KCNT2: variants seen among roughly 807,000 people sequenced by gnomAD.
The protein encoded by KCNT2 is potassium channel subfamily T member 2.
KCNT2 carries 67 observed loss-of-function variants against 153.8 expected under a neutral mutation model. The observed-to-expected ratio is 0.44, with a 90% confidence interval of 0.36 to 0.53. The LOEUF (loss-of-function observed/expected upper bound fraction) is 0.53. Among genes scored for constraint, KCNT2 ranks in the 20% least tolerant of loss-of-function variants. The probability of loss-of-function intolerance (pLI) is 0.00; values close to 1 mark genes in which losing one functional copy is unlikely to be tolerated. For missense variants in KCNT2, 975 were observed against 1,354.8 expected (o/e 0.72, Z 4.40); for synonymous variants, 500 against 458.8 (o/e 1.09, Z -1.15).
chr1:196,253,797 C>G (rs1385806900), intron 26 of KCNT2, among the ~76,000 whole-genome samples: 1 of 151,464 alleles, frequency 6.6e-6, no homozygotes, highest in Non-Finnish European at 1.5e-5. Context: ...CCACTCAACC[C>G]ATAATAAACT....
intron 12 of KCNT2, among the ~76,000 whole-genome samples, chr1:196,401,735 A>G (rs891052699): frequency 4.0e-5 from 6 of 151,726 alleles, no homozygotes; most frequent in African/African-American, 1.4e-4. Flanking sequence ...TGAATTCCCA[A>G]AAAGAAAACA....
intron 26 of KCNT2, among the ~76,000 whole-genome samples, chr1:196,251,171 G>A (rs1054401372): frequency 1.4e-4 from 21 of 152,076 alleles, no homozygotes; most frequent in African/African-American, 5.1e-4. Context: ...TATTGCAGCT[G>A]TATTCACAAT....
At chr1:196,380,827 T>C (rs957074871) in intron 13 of KCNT2, among the ~76,000 whole-genome samples, 2 of 152,230 alleles carry the variant, frequency 1.3e-5, no homozygotes, top group Admixed American at 1.3e-4. Context: ...TGAGAATAGA[T>C]AATGTCTTGC....
chr1:196,476,597 T>C (rs1424731043), intron 5 of KCNT2, among the ~76,000 whole-genome samples: 1 of 152,162 alleles, frequency 6.6e-6, no homozygotes, highest in Non-Finnish European at 1.5e-5. Flanking sequence ...TTCTCTTCTC[T>C]AGCTCTAATT....
At chr1:196,386,477 G>A (rs1669998040) in intron 13 of KCNT2, among the ~76,000 whole-genome samples, 1 of 152,056 alleles carries the variant, frequency 6.6e-6, no homozygotes, top group Non-Finnish European at 1.5e-5. Context: ...TACATGTGTT[G>A]ACTACCACTA....
At chr1:196,578,332 A>G (rs1334668632) in intron 1 of KCNT2, among the ~76,000 whole-genome samples, 1 of 152,160 alleles carries the variant, frequency 6.6e-6, no homozygotes, top group Non-Finnish European at 1.5e-5. Context: ...CAGTACCTGG[A>G]AAGACAAGTC....
intron 16 of KCNT2, among the ~76,000 whole-genome samples, chr1:196,336,038 C>T (rs1572081578): frequency 6.6e-6 from 1 of 152,120 alleles, no homozygotes; most frequent in South Asian, 2.1e-4. Context: ...TAGAACCCTG[C>T]TTAAGTTAAA....
intron 1 of KCNT2, among the ~76,000 whole-genome samples, chr1:196,584,476 A>C (rs1662435838): frequency 6.6e-6 from 1 of 152,064 alleles, no homozygotes. Flanking sequence ...CCTTGAAAAA[A>C]CTGAAGGTGC....
chr1:196,256,548 T>C (rs556149644), intron 26 of KCNT2, among the ~76,000 whole-genome samples: 2 of 149,756 alleles, frequency 1.3e-5, no homozygotes, highest in Non-Finnish European at 3.0e-5. Flanking sequence ...ATTTAGTGAC[T>C]TAAATTTTTA....
At chr1:196,370,146 G>A (rs989812534) in intron 14 of KCNT2, among the ~76,000 whole-genome samples, 1 of 152,136 alleles carries the variant, frequency 6.6e-6, no homozygotes, top group Non-Finnish European at 1.5e-5. Context: ...TTCAACCATT[G>A]TGGAAGAATA....
At chr1:196,243,343 A>T (rs191284726) in intron 26 of KCNT2, among the ~76,000 whole-genome samples, 1 of 152,308 alleles carries the variant, frequency 6.6e-6, no homozygotes, top group Admixed American at 6.5e-5. Flanking sequence ...CAAATTGAAC[A>T]ACTATCCACA....
At chr1:196,491,328 A>T (rs536792356) in intron 2 of KCNT2, among the ~76,000 whole-genome samples, 171 of 152,158 alleles carry the variant, frequency 1.1e-3, no homozygotes, top group African/African-American at 3.9e-3. Context: ...TGTCATTAAG[A>T]CTATCTGAGC....
chr1:196,480,428 G>A (rs1678908229), intron 4 of KCNT2, among the ~76,000 whole-genome samples: 3 of 152,226 alleles, frequency 2.0e-5, no homozygotes, highest in Admixed American at 6.5e-5. Context: ...GCATTATTAT[G>A]ATAGAAAACG....
intron 1 of KCNT2, among the ~76,000 whole-genome samples, chr1:196,583,525 A>AG (rs1294958975): frequency 2.6e-5 from 4 of 152,100 alleles, no homozygotes; most frequent in Admixed American, 2.6e-4. Context: ...GTTTAAACAA[A>AG]GCAAACTAGA....
intron 8 of KCNT2, among the ~76,000 whole-genome samples, chr1:196,445,181 A>G (rs1239812908): frequency 6.6e-6 from 1 of 151,418 alleles, no homozygotes; most frequent in African/African-American, 2.4e-5. Flanking sequence ...ATAAAATAAT[A>G]TATGTATACA....
intron 10 of KCNT2, among the ~76,000 whole-genome samples, chr1:196,426,474 G>A (rs1017515087): frequency 6.6e-6 from 1 of 151,686 alleles, no homozygotes; most frequent in Admixed American, 6.6e-5. Flanking sequence ...GAATGAATAA[G>A]GATCCATAAA....
chr1:196,340,578 T>TAA lies in KCNT2; in HGVS notation c.1554-10_1554-9dup. 1.4e-6 allele frequency: 2 copies of TAA among 1,471,174 alleles called. No individual in the cohort carries two copies. Among genetic ancestry groups the TAA allele is most frequent in the South Asian group, 1.3e-5 (1 of 74,874 alleles). The allele number at this position is 1,471,174 out of a possible 1,614,324, so 91.1% of individuals were successfully genotyped here. A position where few individuals can be genotyped will look rare whatever the true frequency, so the allele number is the denominator to read the frequency against. On this transcript the variant is annotated splice_polypyrimidine_tract_variant and intron_variant, in intron 15 of 27. Transcript: ENST00000294725. ...ATCAAGCAGACGCCAAACCTTAATT[T>TAA]AAAAAAAAAGAGAGTTTGTAAGAAA... is the stretch of plus-strand genomic sequence containing the variant.
intron 10 of KCNT2, among the ~76,000 whole-genome samples, chr1:196,427,814 C>T (rs907869598): frequency 6.6e-6 from 1 of 151,758 alleles, no homozygotes; most frequent in Non-Finnish European, 1.5e-5. Flanking sequence ...TATGCTCTAC[C>T]CAAGGGAGAA....
intron 13 of KCNT2, among the ~76,000 whole-genome samples, chr1:196,392,772 G>T (rs1670598082): frequency 6.6e-6 from 1 of 151,300 alleles, no homozygotes; most frequent in African/African-American, 2.4e-5. Context: ...ATGTATGTGT[G>T]TGCACTTTAA....
Sources: allele counts gnomAD v4.1 joint callset (sites outside exome capture counted in the v4.1 genomes callset), GRCh38; gene constraint gnomAD v4.1.1; transcripts MANE v1.5; gene names NCBI Gene and HGNC (gene_info 2026-07-23, HGNC 2026-07-21).